The following CSMD3 variants were observed in gnomAD, a reference collection of about 807,000 sequenced individuals.
CSMD3 encodes CUB and sushi domain-containing protein 3.
In CSMD3, 177 loss-of-function variants were observed where a neutral mutation model predicts 435.2. The ratio of observed to expected loss-of-function variants is 0.41; its 90% CI spans 0.36 to 0.46. CSMD3 has a LOEUF of 0.46. CSMD3 is among the 20% of genes least tolerant of loss of function. The probability of loss-of-function intolerance (pLI) is 0.34; values close to 1 mark genes in which losing one functional copy is unlikely to be tolerated. For synonymous variants in CSMD3, 1,656 were observed against 1,520.5 expected (o/e 1.09, Z -2.07); for missense variants, 4,265 against 4,504.6 (o/e 0.95, Z 1.52).
At chr8:113,079,432 T>A (rs965504788) in intron 5 of CSMD3, among the ~76,000 whole-genome samples, 2 of 152,090 alleles carry the variant, frequency 1.3e-5, no homozygotes, top group African/African-American at 4.8e-5. Flanking sequence ...ACACTTTGAT[T>A]TTTTTTTCAA....
At position 112,536,709 on chromosome 8, in the gene CSMD3, C is replaced by T. The variant is rs75836747; in HGVS notation, c.4564+13962G>A. 4.0e-5 allele frequency among the ~76,000 whole-genome samples: 6 copies of T among 149,090 alleles called. No individual in the cohort carries two copies. The East Asian group carries it at 1.2e-3, about 29-fold the overall frequency. On this transcript the variant is annotated intron_variant, in intron 27 of 70. Transcript: ENST00000297405. ...ACTATAATTCATGCTGCTATAAAGA[C>T]ACACGCATGCGTATGTTTATTGCGG...
intron 11 of CSMD3, among the ~76,000 whole-genome samples, chr8:112,838,327 T>C (rs1030230094): frequency 6.6e-6 from 1 of 151,858 alleles, no homozygotes. Context: ...TGTTAAGGAC[T>C]GTGAACTTTA....
At chr8:113,323,250 C>T (rs191883066) in intron 1 of CSMD3, among the ~76,000 whole-genome samples, 23 of 152,228 alleles carry the variant, frequency 1.5e-4, no homozygotes, top group Admixed American at 9.2e-4. Context: ...ATTGTTATAT[C>T]CTCAAGGCTT....
chr8:112,900,891 C>A (rs915111438), intron 10 of CSMD3, among the ~76,000 whole-genome samples: 2 of 151,104 alleles, frequency 1.3e-5, no homozygotes, highest in African/African-American at 4.8e-5. Flanking sequence ...AGGCTTCTGG[C>A]TGAGTATTAT....
chr8:113,341,882 C>A (rs1271814496), intron 1 of CSMD3, among the ~76,000 whole-genome samples: 1 of 152,150 alleles, frequency 6.6e-6, no homozygotes, highest in Non-Finnish European at 1.5e-5. Flanking sequence ...CCAAAATATC[C>A]TTCCTTTGCT....
At chr8:112,383,539 T>A (rs564738192) in intron 37 of CSMD3, 28 bp downstream of exon 37, 2 of 1,203,492 alleles carry the variant, frequency 1.7e-6, no homozygotes, top group East Asian at 4.7e-5. Flanking sequence ...ATATCTGTAT[T>A]TTAATTAAGC....
chr8:112,714,251 A>G (rs1245854398), intron 13 of CSMD3, among the ~76,000 whole-genome samples: 1 of 152,096 alleles, frequency 6.6e-6, no homozygotes, highest in African/African-American at 2.4e-5. Context: ...ATGAACAGAA[A>G]AAAAAAAAAG....
chr8:112,699,552 C>T (rs1212691620), intron 13 of CSMD3, among the ~76,000 whole-genome samples: 3 of 152,302 alleles, frequency 2.0e-5, no homozygotes, highest in East Asian at 1.9e-4. Context: ...AAGATATTAC[C>T]TCTCTGTGAA....
chr8:112,380,566 T>C, intron 37 of CSMD3, 110 bp from the exon 38 acceptor site: 1 of 675,380 alleles, frequency 1.5e-6, no homozygotes, highest in Admixed American at 2.3e-5. Flanking sequence ...TATGCATTAT[T>C]CAAGTTGTTT....
chr8:112,705,955 G>C (rs1435169787), intron 13 of CSMD3, among the ~76,000 whole-genome samples: 1 of 151,968 alleles, frequency 6.6e-6, no homozygotes, highest in African/African-American at 2.4e-5. Flanking sequence ...AAAAAACTTA[G>C]CCCATTGTTT....
At chr8:112,893,162 A>C (rs2081850989) in intron 10 of CSMD3, among the ~76,000 whole-genome samples, 1 of 151,394 alleles carries the variant, frequency 6.6e-6, no homozygotes, top group Admixed American at 6.6e-5. Flanking sequence ...TTGGGTTTTT[A>C]CTATGTACCA....
chr8:112,945,180 T>C (rs572059195), intron 9 of CSMD3, among the ~76,000 whole-genome samples: 1 of 151,752 alleles, frequency 6.6e-6, no homozygotes, highest in South Asian at 2.1e-4. Flanking sequence ...ATTCTTTCCT[T>C]TTTCTTACTC....
chr8:113,376,565 TAAAC>T (rs1245851662), intron 1 of CSMD3: 3 of 659,384 alleles, frequency 4.5e-6, no homozygotes, highest in Non-Finnish European at 5.2e-6. Flanking sequence ...TTGTCCAAAA[TAAAC>T]TAATATATAA....
In CSMD3 at chr8:112,279,008, C is replaced by T. The variant is rs1001775014; in HGVS notation, c.9508+2166G>A. Reference sequence around the variant, plus strand: ...TGAAGCGTATCCTGTAACTCCACCCCCAAAAAACAACAACAACAACAACAA... The same window carrying T: ...TGAAGCGTATCCTGTAACTCCACCCTCAAAAAACAACAACAACAACAACAA... On this transcript the variant is annotated intron_variant, in intron 59 of 70. Transcript: ENST00000297405. Among the ~76,000 whole-genome samples the T allele has an allele frequency of 2.4e-5, 3 of 126,792 alleles. No homozygotes were observed. In the South Asian group the frequency reaches 7.8e-4, roughly 33 times the overall value. The allele number at this position is 126,792 out of a possible 152,430, so 83.2% of individuals were successfully genotyped here. A position where few individuals can be genotyped will look rare whatever the true frequency, so the allele number is the denominator to read the frequency against.
At chr8:113,433,258 G>A (rs536724716) in intron 1 of CSMD3, among the ~76,000 whole-genome samples, 1 of 152,142 alleles carries the variant, frequency 6.6e-6, no homozygotes, top group Non-Finnish European at 1.5e-5. Context: ...CCTTTGTAAA[G>A]CTCTCTCAAG....
chr8:113,314,887 G>A (rs995547293), intron 1 of CSMD3, 94 bp from the exon 2 acceptor site: 1 of 829,946 alleles, frequency 1.2e-6, no homozygotes, highest in Non-Finnish European at 2.0e-6. Context: ...GCATTTCCAA[G>A]ACCAAAGTTA....
intron 32 of CSMD3, among the ~76,000 whole-genome samples, chr8:112,444,849 G>A (rs1220288689): frequency 6.6e-6 from 1 of 152,090 alleles, no homozygotes; most frequent in Non-Finnish European, 1.5e-5. Context: ...TAAGATCACT[G>A]TATTTCATTA....
chr8:113,122,035 C>T (rs2091000590), intron 4 of CSMD3, among the ~76,000 whole-genome samples: 1 of 151,956 alleles, frequency 6.6e-6, no homozygotes, highest in Non-Finnish European at 1.5e-5. Context: ...CTTCTTAGGT[C>T]CACATCAAGA....
intron 32 of CSMD3, among the ~76,000 whole-genome samples, chr8:112,421,580 T>A (rs1003405068): frequency 3.4e-5 from 5 of 146,448 alleles, no homozygotes; most frequent in African/African-American, 5.0e-5. Flanking sequence ...TGTAATATAT[T>A]TATAATATAT....
Sources: gnomAD v4.1 joint callset for allele counts (sites outside exome capture counted in the v4.1 genomes callset) on GRCh38, gnomAD v4.1.1 for gene constraint, MANE v1.5 for transcripts, NCBI Gene and HGNC (gene_info 2026-07-23, HGNC 2026-07-21) for gene names.